GLRA2: variants seen among roughly 807,000 people sequenced by gnomAD.
GLRA2 encodes the protein glycine receptor subunit alpha-2.
In GLRA2, 11 loss-of-function variants were observed where a neutral mutation model predicts 31.6. The observed-to-expected ratio is 0.35, with a 90% confidence interval of 0.22 to 0.58. The LOEUF (loss-of-function observed/expected upper bound fraction) is 0.58, where lower values mean the gene tolerates loss of function less well. Ranked by LOEUF, GLRA2 falls within the 20% of genes least tolerant of loss-of-function variation. The pLI, the probability that GLRA2 is intolerant of heterozygous loss-of-function variation, is 0.84. For missense variants in GLRA2, 212 were observed against 351.8 expected, an observed-to-expected ratio of 0.60 and a Z score of 3.18; for synonymous variants, 132 against 134.0, an observed-to-expected ratio of 0.99 and a Z score of 0.10.
intron 8 of GLRA2, among the ~76,000 whole-genome samples, chrX:14,727,999 G>C (rs1293464771): frequency 8.9e-6 from 1 of 112,246 alleles, no homozygotes; most frequent in Non-Finnish European, 1.9e-5. Flanking sequence ...TAAGAAATGA[G>C]ACAGAGTGCC....
At chrX:14,644,371 AGAGGGAAACT>A in intron 7 of GLRA2, among the ~76,000 whole-genome samples, 1 of 112,022 alleles carries the variant, frequency 8.9e-6, no homozygotes, top group Non-Finnish European at 1.9e-5. Context: ...TTTTTTAGGA[AGAGGGAAACT>A]GAGGGTCATG....
chrX:14,573,763 CTTAAG>C (rs756922379), intron 2 of GLRA2, among the ~76,000 whole-genome samples: 1 of 109,827 alleles, frequency 9.1e-6, no homozygotes, highest in East Asian at 2.8e-4. Context: ...GTGTTTATGT[CTTAAG>C]TTAATTTTGT....
rs189446208 is a variant in GLRA2 at position 14,717,871 on chromosome X, T to C, written c.1081-12336T>C. Among the ~76,000 whole-genome samples the C allele has an allele frequency of 5.5e-4, 61 of 110,922 alleles. 1 individual carries two copies. The highest frequency in any genetic ancestry group is 1.8e-3 in the African/African-American group (56 of 30,575). On this transcript the variant is annotated intron_variant, in intron 8 of 8. Transcript: ENST00000218075. ...CCACTGATTTATTGCTTTTATATGG[T>C]TCAGATACTTATTTTGAAAGGAAGC...
At chrX:14,659,233 T>C (rs2090969040) in intron 7 of GLRA2, among the ~76,000 whole-genome samples, 1 of 112,261 alleles carries the variant, frequency 8.9e-6, no homozygotes, top group Admixed American at 9.4e-5. Context: ...AAAGGCTGTA[T>C]TGCTCTCTTA....
chrX:14,476,487 AG>A, the GLRA2 span, among the ~76,000 whole-genome samples: 1 of 111,595 alleles, frequency 9.0e-6, no homozygotes, highest in Non-Finnish European at 1.9e-5. Flanking sequence ...AGGTAGCTCA[AG>A]TCCCAGCCTA....
intron 8 of GLRA2, among the ~76,000 whole-genome samples, chrX:14,717,410 C>T (rs1216295208): frequency 9.1e-6 from 1 of 109,542 alleles, no homozygotes; most frequent in Non-Finnish European, 1.9e-5. Context: ...TATACTCCTA[C>T]ACACAGTTTT....
chrX:14,449,336 A>G, the GLRA2 span, among the ~76,000 whole-genome samples: 1 of 112,279 alleles, frequency 8.9e-6, no homozygotes, highest in East Asian at 2.8e-4. Flanking sequence ...GGATCCTAGC[A>G]AAAAGAGATC....
the GLRA2 span, among the ~76,000 whole-genome samples, chrX:14,497,195 G>C: frequency 4.5e-5 from 5 of 111,639 alleles, no homozygotes; most frequent in Admixed American, 2.9e-4. Context: ...CAAATAAATA[G>C]TTGTATCACA....
At chrX:14,528,870 G>C (rs776350086), upstream of GLRA2, among the ~76,000 whole-genome samples, 40 of 111,583 alleles carry the variant, frequency 3.6e-4, no homozygotes, top group African/African-American at 1.2e-3. Flanking sequence ...TGTGACTTGC[G>C]GATGCCCAAG....
chrX:14,517,869 A>G, the GLRA2 span, among the ~76,000 whole-genome samples: 1 of 111,730 alleles, frequency 9.0e-6, no homozygotes, highest in Non-Finnish European at 1.9e-5. Context: ...TATTTTATTT[A>G]TAAAGTTTAT....
intron 7 of GLRA2, among the ~76,000 whole-genome samples, chrX:14,613,951 AG>A (rs1303325063): frequency 8.9e-6 from 1 of 112,004 alleles, no homozygotes. Flanking sequence ...CTAAAGTATC[AG>A]TGACAAACAG....
intron 7 of GLRA2, among the ~76,000 whole-genome samples, chrX:14,682,011 G>GTGTA (rs1556061085): frequency 1.0e-5 from 1 of 97,890 alleles, no homozygotes; most frequent in Non-Finnish European, 2.0e-5. Flanking sequence ...GTGTGTGTGT[G>GTGTA]TATATATATA....
chrX:14,484,332 T>G, the GLRA2 span, among the ~76,000 whole-genome samples: 1 of 111,875 alleles, frequency 8.9e-6, no homozygotes, highest in Non-Finnish European at 1.9e-5. Flanking sequence ...CTCCTAACAC[T>G]TTGCATTCCT....
At chrX:14,718,500 T>C (rs902413440) in intron 8 of GLRA2, among the ~76,000 whole-genome samples, 1 of 112,330 alleles carries the variant, frequency 8.9e-6, no homozygotes, top group Non-Finnish European at 1.9e-5. Flanking sequence ...AACAACCATC[T>C]TACTATGCTC....
chrX:14,635,046 A>C (rs2090694893), intron 7 of GLRA2, among the ~76,000 whole-genome samples: 1 of 111,770 alleles, frequency 8.9e-6, no homozygotes, highest in Non-Finnish European at 1.9e-5. Context: ...AAATGGGTTA[A>C]AATCAAATCA....
intron 8 of GLRA2, among the ~76,000 whole-genome samples, chrX:14,709,283 A>G (rs962085301): frequency 9.0e-6 from 1 of 111,479 alleles, no homozygotes; most frequent in African/African-American, 3.3e-5. Context: ...TGTGCCAAAT[A>G]CTGTGTTACA....
At chrX:14,528,500 C>T (rs1223892370), upstream of GLRA2, among the ~76,000 whole-genome samples, 1 of 111,826 alleles carries the variant, frequency 8.9e-6, no homozygotes, top group Non-Finnish European at 1.9e-5. Context: ...TTTTCATTCC[C>T]CCTTCCCAGA....
chrX:14,688,424 C>T (rs764338967), intron 7 of GLRA2, among the ~76,000 whole-genome samples: 1 of 111,434 alleles, frequency 9.0e-6, no homozygotes, highest in Admixed American at 9.4e-5. Flanking sequence ...TCAGGCAGGC[C>T]TCCTTGAGCT....
At chrX:14,728,447 G>A (rs2091952724) in intron 8 of GLRA2, among the ~76,000 whole-genome samples, 2 of 111,790 alleles carry the variant, frequency 1.8e-5, no homozygotes, top group South Asian at 7.4e-4. Flanking sequence ...ACTAGGTGCA[G>A]TCATTAATAA....
Sources: allele counts gnomAD v4.1 joint callset (sites outside exome capture counted in the v4.1 genomes callset), GRCh38; gene constraint gnomAD v4.1.1; transcripts MANE v1.5; gene names NCBI Gene and HGNC (gene_info 2026-07-23, HGNC 2026-07-21).